FAM177A1: variants seen among roughly 807,000 people sequenced by gnomAD.
The protein encoded by FAM177A1 is protein FAM177A1.
Under a neutral mutation model 26.1 loss-of-function variants are expected in FAM177A1, and 22 were observed. That is an observed-to-expected ratio of 0.84 (90% CI 0.60 to 1.20). FAM177A1 has a LOEUF of 1.20. Among genes scored for constraint, FAM177A1 ranks in the 50% most tolerant of loss-of-function variants. FAM177A1 has a pLI of 0.00. For missense variants in FAM177A1, 296 were observed against 291.1 expected (o/e 1.02, Z -0.12); for synonymous variants, 95 against 99.3 (o/e 0.96, Z 0.26).
In FAM177A1 at chr14:35,081,061, G is replaced by A. The variant is rs1356501051; in HGVS notation, c.544G>A (p.Ala182Thr). ...AGAAGAAAACAGGATGTCTGAAGAA[G>A]CAGAAAAACAATATCAACAGAATAA... ...EEEENRMSEEAEKQYQQNKLQ... is the reference protein window; with the variant it reads ...EEEENRMSEETEKQYQQNKLQ... Residue 182 changes from alanine to threonine, a missense_variant, in exon 5 of 5, where the codon GCA becomes ACA. Physicochemically the swap from Ala to Thr is moderately conservative, Grantham distance 58 (BLOSUM62 0). Coordinates refer to ENST00000280987, the MANE Select transcript of FAM177A1 (RefSeq NM_173607.5). 6.2e-7 allele frequency: 1 copy of A among 1,611,958 alleles called. No homozygotes were observed.
intron 4 of FAM177A1, among the ~76,000 whole-genome samples, chr14:35,079,557 A>C (rs2045447834): frequency 6.6e-6 from 1 of 152,198 alleles, no homozygotes; most frequent in Non-Finnish European, 1.5e-5. Context: ...CAAGAACCAA[A>C]GGGCTTGAAT....
rs889656446 is a variant in FAM177A1 at position 35,082,579 on chromosome 14, G to A, written c.*1351G>A. 1.6e-4 allele frequency: 24 copies of A among 151,998 alleles called. No individual in the cohort carries two copies. The highest frequency in any genetic ancestry group is 5.6e-4 in the African/African-American group (23 of 41,368). The allele number at this position is 151,998 out of a possible 1,614,324, so 9.4% of individuals were successfully genotyped here. The stretch of plus-strand genomic sequence containing the variant: ...CACACACACACATATATCTCTAAAT[G>A]TGTGTATAGAACCTTTTATCAGTAT... On this transcript the variant is annotated 3_prime_UTR_variant, in exon 5 of 5. Transcript: ENST00000280987.
chr14:35,049,739 C>T (rs1045963190), intron 1 of FAM177A1, among the ~76,000 whole-genome samples: 3 of 152,036 alleles, frequency 2.0e-5, no homozygotes, highest in Admixed American at 1.3e-4. Context: ...GAGCCAAGAT[C>T]GCACCACTGC....
At chr14:35,068,775 T>TA (rs2045275540) in intron 2 of FAM177A1, among the ~76,000 whole-genome samples, 2 of 152,222 alleles carry the variant, frequency 1.3e-5, no homozygotes, top group African/African-American at 4.8e-5. Context: ...CTTCATTGGC[T>TA]TACAGTTGTG....
intron 2 of FAM177A1, among the ~76,000 whole-genome samples, chr14:35,072,674 A>G (rs546073763): frequency 6.6e-6 from 1 of 152,252 alleles, no homozygotes; most frequent in Admixed American, 6.5e-5. Flanking sequence ...CTTCTGCCAG[A>G]TTGTCTAATG....
At chr14:35,069,662 T>C (rs972847804) in intron 2 of FAM177A1, among the ~76,000 whole-genome samples, 6 of 152,162 alleles carry the variant, frequency 3.9e-5, no homozygotes, top group Non-Finnish European at 8.8e-5. Flanking sequence ...ATTTTCTGTT[T>C]CCTCTTAATA....
intron 2 of FAM177A1, among the ~76,000 whole-genome samples, chr14:35,064,047 CAAAAA>C (rs575915029): frequency 1.8e-3 from 146 of 79,354 alleles, no homozygotes; most frequent in African/African-American, 7.4e-3. Context: ...GACTCTGTCT[CAAAAA>C]AAAAAAAAAA....
intron 2 of FAM177A1, among the ~76,000 whole-genome samples, chr14:35,071,403 GATACTT>G (rs2045319881): frequency 6.6e-6 from 1 of 152,138 alleles, no homozygotes; most frequent in Admixed American, 6.6e-5. Context: ...GGAAGGAAGA[GATACTT>G]ATATTTTTGG....
Position 35,077,207 on chromosome 14 carries a change from A to T in FAM177A1, c.397A>T (p.Thr133Ser), listed in dbSNP as rs772793988. The T allele has an allele frequency of 6.2e-7, 1 of 1,612,348 alleles. No homozygotes were observed. The highest frequency in any genetic ancestry group is 8.5e-7 in the Non-Finnish European group (1 of 1,179,364). ...WFYMLRAATS[T>S]LSVCDFLGEK... ...TTACATGCTTCGGGCTGCTACATCAACTCTCTCAGGTATTGCTTTTCTGCT... is the reference window on the plus strand; with the variant it reads ...TTACATGCTTCGGGCTGCTACATCATCTCTCTCAGGTATTGCTTTTCTGCT... Residue 133 changes from threonine to serine, a missense_variant, in exon 3 of 5, where the codon ACT (threonine) becomes TCT (serine). Transcript: ENST00000280987.
chr14:35,066,279 G>A (rs1473659405), intron 2 of FAM177A1, among the ~76,000 whole-genome samples: 1 of 151,470 alleles, frequency 6.6e-6, no homozygotes, highest in African/African-American at 2.4e-5. Context: ...TGTTGCCCAG[G>A]CTGGTCTTGG....
rs1470356717 is a variant in FAM177A1 at position 35,081,765 on chromosome 14, G to A, written c.*537G>A. The A allele has an allele frequency of 6.6e-6, 1 of 152,178 alleles. No homozygotes were observed. The highest frequency in any genetic ancestry group is 1.5e-5 in the Non-Finnish European group (1 of 68,054). The allele number at this position is 152,178 out of a possible 1,614,324, so 9.4% of individuals were successfully genotyped here. ...CTTTCATTGAGAATAACTGTTTTATGTAAGAATCTGTATTTATAACACCAG... is the reference window on the plus strand; with the variant it reads ...CTTTCATTGAGAATAACTGTTTTATATAAGAATCTGTATTTATAACACCAG... On this transcript the variant is annotated 3_prime_UTR_variant, in exon 5 of 5. Transcript: ENST00000280987.
intron 2 of FAM177A1, among the ~76,000 whole-genome samples, chr14:35,055,868 C>T (rs1326642741): frequency 6.6e-6 from 1 of 151,886 alleles, no homozygotes; most frequent in Non-Finnish European, 1.5e-5. Flanking sequence ...TTTTTTTGTT[C>T]TCTTGTGCCT....
At chr14:35,070,624 G>A (rs960259377) in intron 2 of FAM177A1, among the ~76,000 whole-genome samples, 12 of 152,158 alleles carry the variant, frequency 7.9e-5, no homozygotes, top group African/African-American at 2.9e-4. Flanking sequence ...CACCACACCC[G>A]GCGGAGCTAC....
chr14:35,065,722 C>T, intron 2 of FAM177A1, among the ~76,000 whole-genome samples: 1 of 130,812 alleles, frequency 7.6e-6, no homozygotes, highest in Non-Finnish European at 1.6e-5. Context: ...TTGAGACAGT[C>T]ACCCTGTCGC....
At position 35,081,239 on chromosome 14, in the gene FAM177A1, C is replaced by T; in HGVS notation, c.*11C>T. The T allele has an allele frequency of 6.3e-7, 1 of 1,595,718 alleles. No individual in the cohort carries two copies. Among genetic ancestry groups the T allele is most frequent in the Non-Finnish European group, 8.5e-7 (1 of 1,174,602 alleles). ...TCTGTCCCACCATAAAATGAAATGACTATCAAGCTTCAAACTCTTAAGTTT... is the reference window on the plus strand; with the variant it reads ...TCTGTCCCACCATAAAATGAAATGATTATCAAGCTTCAAACTCTTAAGTTT... On this transcript the variant is annotated 3_prime_UTR_variant, in exon 5 of 5. Coordinates refer to ENST00000280987, the MANE Select transcript of FAM177A1 (RefSeq NM_173607.5).
intron 2 of FAM177A1, among the ~76,000 whole-genome samples, chr14:35,074,230 C>T (rs370448036): frequency 1.4e-4 from 22 of 152,288 alleles, no homozygotes; most frequent in East Asian, 9.6e-4. Context: ...CTGCAACCTC[C>T]GCCTCCCGGG....
intron 2 of FAM177A1, among the ~76,000 whole-genome samples, chr14:35,061,152 A>C (rs572963009): frequency 6.6e-6 from 1 of 152,314 alleles, no homozygotes; most frequent in South Asian, 2.1e-4. Flanking sequence ...CAGCCCCTGC[A>C]GATAAAGGGG....
intron 1 of FAM177A1, 180 bp downstream of exon 1, chr14:35,046,808 C>G: frequency 2.2e-6 from 3 of 1,377,288 alleles, no homozygotes; most frequent in East Asian, 5.9e-5. Flanking sequence ...GAGCGCCCCC[C>G]GCCTCACTCA....
chr14:35,052,371 G>A (rs955185783), intron 1 of FAM177A1, among the ~76,000 whole-genome samples: 5 of 151,738 alleles, frequency 3.3e-5, no homozygotes, highest in East Asian at 1.9e-4. Flanking sequence ...ACAGGCACCC[G>A]CTGCTGCGCC....
Sources: allele counts gnomAD v4.1 joint callset (sites outside exome capture counted in the v4.1 genomes callset), GRCh38; gene constraint gnomAD v4.1.1; transcripts MANE v1.5; gene names NCBI Gene and HGNC (gene_info 2026-07-23, HGNC 2026-07-21).